The following SCHIP1 variants were observed in gnomAD, a reference collection of about 807,000 sequenced individuals.
SCHIP1 encodes schwannomin-interacting protein 1.
A neutral mutation model predicts 29.7 loss-of-function variants in SCHIP1; 8 were observed. The observed-to-expected ratio is 0.27, with a 90% CI of 0.16 to 0.49. The LOEUF (loss-of-function observed/expected upper bound fraction) is 0.49, where lower values mean the gene tolerates loss of function less well. Ranked by LOEUF, SCHIP1 falls within the 20% of genes least tolerant of loss-of-function variation. SCHIP1 has a pLI of 0.99. For synonymous variants in SCHIP1, 76 were observed against 94.9 expected (o/e 0.80, Z 1.16); for missense variants, 193 against 294.6 (o/e 0.66, Z 2.52).
the SCHIP1 span, among the ~76,000 whole-genome samples, chr3:159,452,538 T>C: frequency 6.6e-6 from 1 of 152,232 alleles, no homozygotes; most frequent in Non-Finnish European, 1.5e-5. Context: ...ATTTTCTTTA[T>C]CCAGCCTATC....
the SCHIP1 span, among the ~76,000 whole-genome samples, chr3:159,573,467 C>A: frequency 6.6e-6 from 1 of 152,224 alleles, no homozygotes; most frequent in Non-Finnish European, 1.5e-5. Context: ...AGGGTTTCTG[C>A]TGAGAGATCC....
At chr3:159,382,692 A>G in the SCHIP1 span, among the ~76,000 whole-genome samples, 1 of 151,286 alleles carries the variant, frequency 6.6e-6, no homozygotes, top group Non-Finnish European at 1.5e-5. Context: ...ACTGACTTCC[A>G]CAATGGTTGA....
the SCHIP1 span, among the ~76,000 whole-genome samples, chr3:159,796,900 G>A: frequency 2.6e-5 from 4 of 152,272 alleles, no homozygotes; most frequent in Admixed American, 6.5e-5. Flanking sequence ...CTTTCTTCCC[G>A]ATGATGTCAT....
chr3:159,760,227 T>C, the SCHIP1 span, among the ~76,000 whole-genome samples: 1 of 152,224 alleles, frequency 6.6e-6, no homozygotes, highest in Non-Finnish European at 1.5e-5. Flanking sequence ...TGAGTACATG[T>C]GAGCAAAGGG....
In SCHIP1 at chr3:159,889,031, A is replaced by G. The variant is rs559868849; in HGVS notation, c.589+88A>G. 1.1e-4 allele frequency: 167 copies of G among 1,478,250 alleles called. No homozygotes were observed. The Middle Eastern group carries it at 1.1e-3, about 10-fold the overall frequency. The allele number at this position is 1,478,250 out of a possible 1,614,324, so 91.6% of individuals were successfully genotyped here. A position where few individuals can be genotyped will look rare whatever the true frequency, so the allele number is the denominator to read the frequency against. Reference sequence around the variant, plus strand: ...TTCCTTGGTCCAACTTTTTCATACAACATTTCATTGGGTTCCTGTGTGATT... The same window carrying G: ...TTCCTTGGTCCAACTTTTTCATACAGCATTTCATTGGGTTCCTGTGTGATT... On this transcript the variant is annotated intron_variant, in intron 5 of 6. Transcript: ENST00000445224.
intron 2 of SCHIP1, among the ~76,000 whole-genome samples, chr3:159,878,857 T>C (rs1216155020): frequency 3.3e-5 from 5 of 150,256 alleles, no homozygotes; most frequent in African/African-American, 1.2e-4. Flanking sequence ...TCCTGCCAAA[T>C]GCCCATATGT....
the SCHIP1 span, among the ~76,000 whole-genome samples, chr3:159,332,241 T>G: frequency 6.6e-6 from 1 of 152,228 alleles, no homozygotes; most frequent in Admixed American, 6.5e-5. Context: ...AAATATTTGC[T>G]GAACCAATTT....
chr3:159,897,342 A>C (rs1307228889), exon 7 of SCHIP1: 1 of 152,636 alleles, frequency 6.6e-6, no homozygotes, highest in Non-Finnish European at 1.5e-5. Flanking sequence ...GTAAAATAAA[A>C]ATTAAAACTT....
the SCHIP1 span, among the ~76,000 whole-genome samples, chr3:159,406,451 C>T: frequency 6.7e-3 from 1,015 of 152,306 alleles, 6 homozygotes; most frequent in Non-Finnish European, 8.2e-3. Context: ...TGAGGGACTT[C>T]ATCAACACCA....
chr3:159,744,748 C>A, the SCHIP1 span, among the ~76,000 whole-genome samples: 2 of 152,068 alleles, frequency 1.3e-5, no homozygotes, highest in Non-Finnish European at 2.9e-5. Flanking sequence ...GAGGCCGAGG[C>A]GGGTGGATCA....
the SCHIP1 span, among the ~76,000 whole-genome samples, chr3:159,535,155 T>C: frequency 6.6e-6 from 1 of 152,126 alleles, no homozygotes; most frequent in African/African-American, 2.4e-5. Context: ...GACAGCATAG[T>C]ATTATGACTG....
intron 2 of SCHIP1, among the ~76,000 whole-genome samples, chr3:159,879,624 G>A (rs1282419266): frequency 6.6e-6 from 1 of 152,190 alleles, no homozygotes; most frequent in African/African-American, 2.4e-5. Context: ...CCTCGTATCA[G>A]AAGAGGCCTC....
the SCHIP1 span, among the ~76,000 whole-genome samples, chr3:159,694,120 A>G: frequency 6.6e-6 from 1 of 152,174 alleles, no homozygotes; most frequent in Non-Finnish European, 1.5e-5. Flanking sequence ...TCTACTTAAC[A>G]TTTAAGCTTG....
the SCHIP1 span, among the ~76,000 whole-genome samples, chr3:159,801,794 T>C: frequency 1.3e-5 from 2 of 152,146 alleles, no homozygotes; most frequent in African/African-American, 4.8e-5. Context: ...ACTTTTTCTT[T>C]CTATTTATAT....
At chr3:159,489,146 A>T in the SCHIP1 span, among the ~76,000 whole-genome samples, 2 of 152,188 alleles carry the variant, frequency 1.3e-5, no homozygotes, top group Non-Finnish European at 2.9e-5. Flanking sequence ...TTAATCATGC[A>T]ATAGTTTTGT....
the SCHIP1 span, among the ~76,000 whole-genome samples, chr3:159,772,013 C>A: frequency 1.3e-5 from 2 of 152,162 alleles, no homozygotes; most frequent in Non-Finnish European, 2.9e-5. Flanking sequence ...ATCACCTCAC[C>A]TCCCTCCATC....
chr3:159,866,153 G>T lies in SCHIP1; in HGVS notation c.31-10G>T, dbSNP rs749636784. On this transcript the variant is annotated splice_polypyrimidine_tract_variant and intron_variant, in intron 1 of 6. Transcript: ENST00000445224. ...ACTTATCAGCATTTTTTATTTTCTT[G>T]AAATTTTAGGCACAGAAAAATGAGA... 106 of 1,610,748 alleles carry T rather than the reference G, an allele frequency of 6.6e-5. No individual in the cohort carries two copies. The highest frequency in any genetic ancestry group is 8.9e-5 in the Non-Finnish European group (105 of 1,178,652).
chr3:159,389,591 GAGA>G, the SCHIP1 span, among the ~76,000 whole-genome samples: 1 of 152,060 alleles, frequency 6.6e-6, no homozygotes, highest in Non-Finnish European at 1.5e-5. Context: ...AGGATAATTA[GAGA>G]AGTATTGTTT....
chr3:159,436,476 C>T, the SCHIP1 span, among the ~76,000 whole-genome samples: 120 of 152,210 alleles, frequency 7.9e-4, no homozygotes, highest in African/African-American at 2.6e-3. Flanking sequence ...AATAATAGTC[C>T]CTTCCTTTCC....
Sources: allele counts gnomAD v4.1 joint callset (sites outside exome capture counted in the v4.1 genomes callset), GRCh38; gene constraint gnomAD v4.1.1; transcripts MANE v1.5; gene names NCBI Gene and HGNC (gene_info 2026-07-23, HGNC 2026-07-21).